Variants in CMIP observed in about 807,000 individuals in gnomAD.
CMIP encodes the protein C-Maf-inducing protein.
In CMIP, 13 loss-of-function variants were observed where a neutral mutation model predicts 97.3. The ratio of observed to expected loss-of-function variants is 0.13; its 90% confidence interval spans 0.09 to 0.21. The LOEUF (loss-of-function observed/expected upper bound fraction) is 0.21, where lower values mean the gene tolerates loss of function less well. Among genes scored for constraint, CMIP ranks in the 10% least tolerant of loss-of-function variants. The pLI is 1.00. For synonymous variants in CMIP, 538 were observed against 436.3 expected (o/e 1.23, Z -2.91); for missense variants, 847 against 1,024.9 (o/e 0.83, Z 2.37).
At position 81,473,635 on chromosome 16, in the gene CMIP, C is replaced by T. The variant is rs544785556; in HGVS notation, c.300+28094C>T. Among the ~76,000 whole-genome samples the T allele has an allele frequency of 1.1e-3, 145 of 127,150 alleles. 1 individual carries two copies. Among genetic ancestry groups the T allele is most frequent in the African/African-American group, 4.6e-3 (138 of 29,684 alleles). 83.4% of individuals were successfully genotyped at this position (127,150 alleles called of 152,430 possible). On this transcript the variant is annotated intron_variant, in intron 1 of 20. Coordinates refer to ENST00000537098, the MANE Select transcript of CMIP (RefSeq NM_198390.3). ...CCATTAAGGGATTCATGGGCTTGGA[C>T]GCTTGTGTTGGAATGGGGTGATCTC... is the stretch of plus-strand genomic sequence containing the variant.
At chr16:81,511,585 A>C (rs990827912) in intron 1 of CMIP, among the ~76,000 whole-genome samples, 8 of 152,122 alleles carry the variant, frequency 5.3e-5, no homozygotes, top group Non-Finnish European at 8.8e-5. Flanking sequence ...TTTTTACACA[A>C]GGTCTCACTC....
At chr16:81,696,389 C>T in intron 13 of CMIP, 171 bp from the exon 14 acceptor site, 2 of 674,828 alleles carry the variant, frequency 3.0e-6, no homozygotes, top group East Asian at 2.7e-5. Flanking sequence ...TCCCGAAAGA[C>T]CTTTCATGGC....
At chr16:81,551,090 C>T (rs537014320) in intron 1 of CMIP, among the ~76,000 whole-genome samples, 4 of 149,716 alleles carry the variant, frequency 2.7e-5, no homozygotes, top group East Asian at 2.0e-4. Context: ...CCGTCACACG[C>T]ACCCCAGTTC....
At chr16:81,663,440 G>C (rs2092569108) in intron 6 of CMIP, among the ~76,000 whole-genome samples, 1 of 152,212 alleles carries the variant, frequency 6.6e-6, no homozygotes, top group Non-Finnish European at 1.5e-5. Flanking sequence ...CAAAACTATG[G>C]AGAAAGTAAA....
chr16:81,539,914 C>G (rs942781604), intron 1 of CMIP, among the ~76,000 whole-genome samples: 4 of 152,208 alleles, frequency 2.6e-5, no homozygotes, highest in African/African-American at 4.8e-5. Context: ...TTATGTCTCT[C>G]TACGTGCTCC....
intron 10 of CMIP, among the ~76,000 whole-genome samples, chr16:81,679,575 G>A (rs756718411): frequency 9.2e-5 from 14 of 152,054 alleles, no homozygotes; most frequent in South Asian, 4.2e-4. Flanking sequence ...TATTTGTGCC[G>A]TGTGCCTGGG....
chr16:81,607,588 T>C lies in CMIP; in HGVS notation c.322T>C (p.Ser108Pro). Reference sequence around the variant, plus strand: ...GCAGCCAACTGGGTACATGGAAAACTCAGTCTCCTACAGCGCAATTGAAGA... The same window carrying C: ...GCAGCCAACTGGGTACATGGAAAACCCAGTCTCCTACAGCGCAATTGAAGA... ...SATPTGYMEN[S>P]VSYSAIEDVQ... The change falls in exon 2 of 21, where the codon TCA (serine) becomes CCA (proline). Residue 108 changes from serine (S) to proline (P), a missense_variant. Coordinates refer to ENST00000537098, the MANE Select transcript of CMIP (RefSeq NM_198390.3). The C allele has an allele frequency of 2.5e-6, 4 of 1,613,966 alleles. No homozygotes were observed. The highest frequency in any genetic ancestry group is 3.4e-6 in the Non-Finnish European group (4 of 1,179,884).
intron 7 of CMIP, among the ~76,000 whole-genome samples, chr16:81,667,881 C>T (rs1447809556): frequency 6.7e-6 from 1 of 149,732 alleles, no homozygotes; most frequent in Non-Finnish European, 1.5e-5. Flanking sequence ...TGAACTTGCT[C>T]CGGGGGCTCT....
rs562357475 is a variant in CMIP, at chr16:81,552,663, G to A, written c.301-54904G>A. Among the ~76,000 whole-genome samples the A allele has an allele frequency of 2.6e-5, 4 of 152,274 alleles. No individual in the cohort carries two copies. The South Asian group carries it at 8.3e-4, about 32-fold the overall frequency. ...ATCTCCCATCTCAAGGTCCTTAATG[G>A]AACCACATCTGCAACGTCTCTTCTG... On this transcript the variant is annotated intron_variant, in intron 1 of 20. Coordinates refer to ENST00000537098, the MANE Select transcript of CMIP (RefSeq NM_198390.3).
At chr16:81,452,655 G>C (rs1431547222) in intron 1 of CMIP, among the ~76,000 whole-genome samples, 1 of 152,078 alleles carries the variant, frequency 6.6e-6, no homozygotes, top group Non-Finnish European at 1.5e-5. Context: ...AGGCCCTGAG[G>C]GAGGAGATCA....
Position 81,621,142 on chromosome 16 carries a change from G to A in CMIP, c.477+216G>A, listed in dbSNP as rs889821357. The A allele has an allele frequency of 1.8e-6, 1 of 541,546 alleles. No homozygotes were observed. The highest frequency in any genetic ancestry group is 3.3e-6 in the Non-Finnish European group (1 of 301,132). 33.5% of individuals were successfully genotyped at this position (541,546 alleles called of 1,614,324 possible). A position where few individuals can be genotyped will look rare whatever the true frequency, so the allele number is the denominator to read the frequency against. On this transcript the variant is annotated intron_variant, in intron 3 of 20. Transcript: ENST00000537098. This position sits in a 1 kb window ranked among gnomAD's most constrained non-coding sequence, Gnocchi z 4.1. ...GTGCTGAAATAGCATTCTCGCCCTG[G>A]TGTTCTCAAACCCTATAGCTGTTTT...
intron 5 of CMIP, among the ~76,000 whole-genome samples, chr16:81,658,320 G>A (rs142323864): frequency 7.4e-4 from 112 of 152,296 alleles, no homozygotes; most frequent in African/African-American, 2.5e-3. Context: ...TTTTAGCTAC[G>A]AAACCTAACT....
chr16:81,496,127 G>C lies in CMIP; in HGVS notation c.300+50586G>C, dbSNP rs1418084951. The stretch of plus-strand genomic sequence containing the variant: ...GCCTTTGTTTTTTCATCTGTAGAAT[G>C]GGGATAATGGGACTGGTCTCCAAGG... On this transcript the variant is annotated intron_variant, in intron 1 of 20. Transcript: ENST00000537098. 3.3e-5 allele frequency among the ~76,000 whole-genome samples: 5 copies of C among 152,188 alleles called. 1 individual carries two copies. Among genetic ancestry groups the C allele is most frequent in the African/African-American group, 1.2e-4 (5 of 41,422 alleles).
rs2092471965 is a variant in CMIP, at chr16:81,655,494, T to C, written c.640-2281T>C. Reference sequence around the variant, plus strand: ...TAGCTCGAGAGTCAGGTGTTCCCTCTAATGCAGTGGCTATTGGTGGACATG... The same window carrying C: ...TAGCTCGAGAGTCAGGTGTTCCCTCCAATGCAGTGGCTATTGGTGGACATG... On this transcript the variant is annotated intron_variant, in intron 4 of 20. Transcript: ENST00000537098. The surrounding 1 kb of genome is among the most constrained non-coding windows in gnomAD (Gnocchi z 4.9). Among the ~76,000 whole-genome samples the C allele has an allele frequency of 6.6e-6, 1 of 152,194 alleles. No homozygotes were observed. The highest frequency in any genetic ancestry group is 6.5e-5 in the Admixed American group (1 of 15,278).
intron 1 of CMIP, among the ~76,000 whole-genome samples, chr16:81,580,775 C>G (rs2091283240): frequency 6.6e-6 from 1 of 151,988 alleles, no homozygotes; most frequent in South Asian, 2.1e-4. Flanking sequence ...CCAGCCTGGG[C>G]AACAGAGCGA....
At chr16:81,467,429 A>G (rs1013122540) in intron 1 of CMIP, among the ~76,000 whole-genome samples, 2 of 152,160 alleles carry the variant, frequency 1.3e-5, no homozygotes, top group African/African-American at 4.8e-5. Flanking sequence ...TTTACCCCGT[A>G]AAGGCCTCCT....
chr16:81,699,334 AT>A (rs1907118704), intron 14 of CMIP, among the ~76,000 whole-genome samples: 1 of 152,240 alleles, frequency 6.6e-6, no homozygotes, highest in South Asian at 2.1e-4. Context: ...CTTTTATTGC[AT>A]TTAGTATTAT....
rs773345494 is a variant in CMIP, at chr16:81,693,547, G to C, written c.1530+60G>C. The C allele has an allele frequency of 4.5e-6, 7 of 1,549,984 alleles. No individual in the cohort carries two copies. The African/African-American group carries it at 9.5e-5, about 21-fold the overall frequency. ...TCTGGGGATGGCAGGATGCACGAGGGCCCCTTAGAGGCCTTCTGAAGCTTG... is the reference window on the plus strand; with the variant it reads ...TCTGGGGATGGCAGGATGCACGAGGCCCCCTTAGAGGCCTTCTGAAGCTTG... On this transcript the variant is annotated intron_variant, in intron 13 of 20. Transcript: ENST00000537098.
intron 2 of CMIP, among the ~76,000 whole-genome samples, chr16:81,609,073 A>G (rs2091788607): frequency 6.6e-6 from 1 of 151,560 alleles, no homozygotes; most frequent in African/African-American, 2.4e-5. Context: ...CTCTCAGAGG[A>G]CTCTGGAAAC....
Sources: allele counts gnomAD v4.1 joint callset (sites outside exome capture counted in the v4.1 genomes callset), GRCh38; gene constraint gnomAD v4.1.1; non-coding constraint Gnocchi (gnomAD v3.1); transcripts MANE v1.5; gene names NCBI Gene and HGNC (gene_info 2026-07-23, HGNC 2026-07-21).